The following PHF14 variants were observed in gnomAD, a reference collection of about 807,000 sequenced individuals.
PHF14 encodes the protein PHD finger protein 14.
PHF14 carries 55 observed loss-of-function variants against 117.9 expected under a neutral mutation model. That is an observed-to-expected ratio of 0.47 (90% CI 0.38 to 0.58). The LOEUF is 0.58. Ranked by LOEUF, PHF14 falls within the 20% of genes least tolerant of loss-of-function variation. The pLI, the probability that PHF14 is intolerant of heterozygous loss-of-function variation, is 0.00. For synonymous variants in PHF14, 409 were observed against 368.6 expected, an observed-to-expected ratio of 1.11 and a Z score of -1.26; for missense variants, 978 against 1,122.2, an observed-to-expected ratio of 0.87 and a Z score of 1.84.
intron 17 of PHF14, among the ~76,000 whole-genome samples, chr7:11,127,826 T>C (rs1188377650): frequency 1.3e-5 from 2 of 152,212 alleles, no homozygotes; most frequent in East Asian, 1.9e-4. Flanking sequence ...TTACGAGAGA[T>C]TGAGAAAATT....
At chr7:11,058,177 C>G (rs1447321344) in intron 14 of PHF14, among the ~76,000 whole-genome samples, 2 of 152,184 alleles carry the variant, frequency 1.3e-5, no homozygotes, top group Non-Finnish European at 2.9e-5. Flanking sequence ...ATATATACTT[C>G]TATTCATCTG....
intron 13 of PHF14, among the ~76,000 whole-genome samples, chr7:11,051,367 T>C (rs1015623119): frequency 2.6e-5 from 4 of 152,184 alleles, no homozygotes; most frequent in African/African-American, 7.2e-5. Context: ...CTTAAACATA[T>C]AGCATTGTTA....
intron 17 of PHF14, among the ~76,000 whole-genome samples, chr7:11,137,399 A>C (rs969205904): frequency 5.9e-5 from 9 of 152,124 alleles, no homozygotes; most frequent in Non-Finnish European, 1.3e-4. Context: ...CTTCTCACCA[A>C]CCAAAGGTTT....
At chr7:10,987,343 G>A (rs1336187146) in intron 3 of PHF14, among the ~76,000 whole-genome samples, 1 of 151,982 alleles carries the variant, frequency 6.6e-6, no homozygotes, top group Non-Finnish European at 1.5e-5. Flanking sequence ...CAGGAAATGT[G>A]CTGGAATTTC....
chr7:10,991,849 C>T (rs1187647630), intron 4 of PHF14, among the ~76,000 whole-genome samples: 11 of 142,188 alleles, frequency 7.7e-5, no homozygotes, highest in Admixed American at 2.2e-4. Context: ...CTGCCTGCCT[C>T]GGCCTCTCAA....
At chr7:11,072,240 G>A (rs987393162) in intron 16 of PHF14, among the ~76,000 whole-genome samples, 1 of 152,156 alleles carries the variant, frequency 6.6e-6, no homozygotes, top group Non-Finnish European at 1.5e-5. Flanking sequence ...GGCAAAGAGA[G>A]AGATGTGAGA....
chr7:11,163,165 G>T (rs565931970), intron 17 of PHF14, among the ~76,000 whole-genome samples: 12 of 152,082 alleles, frequency 7.9e-5, no homozygotes, highest in Non-Finnish European at 1.6e-4. Flanking sequence ...TTTAAAAAGA[G>T]CTCTATTCTA....
intron 4 of PHF14, among the ~76,000 whole-genome samples, chr7:11,005,435 TGA>T (rs1230791410): frequency 6.6e-6 from 1 of 152,236 alleles, no homozygotes; most frequent in Non-Finnish European, 1.5e-5. Flanking sequence ...GTTTGACCAG[TGA>T]GAGTCCTTTA....
Position 11,035,696 on chromosome 7 carries a change from A to G in PHF14, c.1512A>G (p.Arg504=). Residue 504 remains arginine (R), a synonymous_variant, in exon 8 of 18, where the codon AGA becomes AGG. Coordinates refer to ENST00000634607, the MANE Select transcript of PHF14 (RefSeq NM_001007157.2). ...AGCAACATGCAGATAGGTTAGACAG[A>G]AAGTGGAAGAGAAAAAACTACTTGG... ...YCKQHADRLD[R]KWKRKNYLAL... 1.9e-6 allele frequency: 3 copies of G among 1,610,816 alleles called. No individual in the cohort carries two copies. The highest frequency in any genetic ancestry group is 2.5e-6 in the Non-Finnish European group (3 of 1,177,278).
intron 16 of PHF14, chr7:11,103,602 T>C: frequency 1.0e-6 from 1 of 982,702 alleles, no homozygotes; most frequent in Non-Finnish European, 1.2e-6. Context: ...TACATGTAAA[T>C]TGTCAACATG....
chr7:11,028,536 C>T (rs1225529499), intron 6 of PHF14, 145 bp from the exon 7 acceptor site: 5 of 698,906 alleles, frequency 7.2e-6, no homozygotes, highest in Non-Finnish European at 1.2e-5. Context: ...CTTGGCTCGC[C>T]TATGATTATT....
chr7:11,135,874 T>G (rs2128349740), intron 17 of PHF14, among the ~76,000 whole-genome samples: 1 of 152,284 alleles, frequency 6.6e-6, no homozygotes, highest in African/African-American at 2.4e-5. Context: ...AAAGCTTGTT[T>G]AAAGCTAATT....
At chr7:11,161,777 G>A (rs1014530460) in intron 17 of PHF14, among the ~76,000 whole-genome samples, 3 of 113,348 alleles carry the variant, frequency 2.6e-5, no homozygotes, top group Non-Finnish European at 5.5e-5. Flanking sequence ...AACATTTTTA[G>A]ATATTATTTT....
intron 16 of PHF14, chr7:11,063,560 T>A (rs1268733653): frequency 1.0e-6 from 1 of 972,118 alleles, no homozygotes; most frequent in Non-Finnish European, 1.2e-6. Flanking sequence ...TTATTAATTA[T>A]TTGAACCTGT....
At chr7:11,025,090 CTT>C (rs1353038918) in intron 6 of PHF14, among the ~76,000 whole-genome samples, 1 of 152,070 alleles carries the variant, frequency 6.6e-6, no homozygotes, top group African/African-American at 2.4e-5. Context: ...TCATGGATAA[CTT>C]TGAAGGGGTT....
At chr7:11,014,987 C>G (rs1338278587) in intron 5 of PHF14, 2 of 137,638 alleles carry the variant, frequency 1.5e-5, no homozygotes, top group East Asian at 5.5e-4. Context: ...CGCTCTGCCT[C>G]TTCCTCTCCA....
rs1787633909 is a variant in PHF14 at position 11,117,582 on chromosome 7, T to TAAATATGTATTTATACGTATAAATAC, written c.2772+6130_2772+6131insCGTATAAATACAAATATGTATTTATA. On this transcript the variant is annotated intron_variant, in intron 17 of 17. Coordinates refer to ENST00000634607, the MANE Select transcript of PHF14 (RefSeq NM_001007157.2). Reference sequence around the variant, plus strand: ...TATAACTATGCCCAAACGATATATATAAATATGTATTTATATGTATAAATA... The same window carrying TAAATATGTATTTATACGTATAAATAC: ...TATAACTATGCCCAAACGATATATATAAATATGTATTTATACGTATAAATACAAATATGTATTTATATGTATAAATA... Among the ~76,000 whole-genome samples the TAAATATGTATTTATACGTATAAATAC allele has an allele frequency of 6.3e-5, 9 of 142,314 alleles. No homozygotes were observed. In the South Asian group the frequency reaches 1.6e-3, roughly 25 times the overall value. 93.4% of individuals were successfully genotyped at this position (142,314 alleles called of 152,430 possible).
At position 11,040,822 on chromosome 7, in the gene PHF14, T is replaced by TA. The variant is rs2128323555; in HGVS notation, c.2180+50dup. On this transcript the variant is annotated intron_variant, in intron 12 of 17. Transcript: ENST00000634607. ...GATAGAATAATGTTGTGTATTTTTT[T>TA]AAACTGATACTTATTAGAAAGAAGA... 4 of 872,870 alleles carry TA rather than the reference T, an allele frequency of 4.6e-6. No homozygotes were observed. The East Asian group carries it at 1.2e-4, about 27-fold the overall frequency. 54.1% of individuals were successfully genotyped at this position (872,870 alleles called of 1,614,324 possible).
intron 13 of PHF14, 47 bp from the exon 14 acceptor site, chr7:11,051,565 A>T: frequency 6.7e-7 from 1 of 1,488,402 alleles, no homozygotes; most frequent in Non-Finnish European, 9.1e-7. Context: ...AGCTAAAGCC[A>T]GAAGATAATA....
Sources: gnomAD v4.1 joint callset for allele counts (sites outside exome capture counted in the v4.1 genomes callset) on GRCh38, gnomAD v4.1.1 for gene constraint, MANE v1.5 for transcripts, NCBI Gene and HGNC (gene_info 2026-07-23, HGNC 2026-07-21) for gene names.